SLC36A1: variants seen among roughly 807,000 people sequenced by gnomAD.
SLC36A1 encodes the protein solute carrier family 36 member 1, also known as proton-coupled amino acid transporter 1.
SLC36A1 carries 30 observed loss-of-function variants against 47.5 expected under a neutral mutation model. That is an observed-to-expected ratio of 0.63 (90% CI 0.47 to 0.86). SLC36A1 has a LOEUF of 0.86. Ranked by LOEUF, SLC36A1 falls within the 40% of genes least tolerant of loss-of-function variation. The pLI, the probability that SLC36A1 is intolerant of heterozygous loss-of-function variation, is 0.00. For synonymous variants in SLC36A1, 255 were observed against 249.7 expected, an observed-to-expected ratio of 1.02 and a Z score of -0.20; for missense variants, 517 against 606.0, an observed-to-expected ratio of 0.85 and a Z score of 1.54.
chr5:151,492,666 C>G (rs1184524448), downstream of SLC36A1, among the ~76,000 whole-genome samples: 1 of 152,192 alleles, frequency 6.6e-6, no homozygotes, highest in Non-Finnish European at 1.5e-5. Flanking sequence ...CAGATGAGCC[C>G]ACATGACAGC....
chr5:151,370,812 G>C, the SLC36A1 span, among the ~76,000 whole-genome samples: 1 of 152,074 alleles, frequency 6.6e-6, no homozygotes, highest in African/African-American at 2.4e-5. Context: ...GGCCAACATG[G>C]TGAAACCCCA....
chr5:151,376,005 C>G, the SLC36A1 span, among the ~76,000 whole-genome samples: 1 of 152,066 alleles, frequency 6.6e-6, no homozygotes, highest in Non-Finnish European at 1.5e-5. Flanking sequence ...TGCCTGATTG[C>G]TCTGGCAAGG....
the SLC36A1 span, chr5:151,544,897 G>A: frequency 1.9e-6 from 3 of 1,614,140 alleles, no homozygotes; most frequent in Non-Finnish European, 2.5e-6. Flanking sequence ...TTGGATGATT[G>A]TGTAATAGGG....
chr5:151,436,587 T>G (rs1385204405), upstream of SLC36A1, among the ~76,000 whole-genome samples: 1 of 152,004 alleles, frequency 6.6e-6, no homozygotes, highest in Non-Finnish European at 1.5e-5. Context: ...TCAAGCTGGT[T>G]GTAAAGTGTA....
At chr5:151,516,740 A>G in the SLC36A1 span, among the ~76,000 whole-genome samples, 3 of 152,330 alleles carry the variant, frequency 2.0e-5, no homozygotes, top group African/African-American at 4.8e-5. Context: ...CCTGTCACAT[A>G]GTAGATGCTC....
At chr5:151,517,729 C>T in the SLC36A1 span, 2,714 of 1,614,186 alleles carry the variant, frequency 1.7e-3, 1 homozygote, top group Non-Finnish European at 1.9e-3. Flanking sequence ...GGCCCTGTAC[C>T]GCACATAGCT....
At chr5:151,367,320 A>G in the SLC36A1 span, among the ~76,000 whole-genome samples, 14 of 146,830 alleles carry the variant, frequency 9.5e-5, no homozygotes, top group African/African-American at 3.3e-4. Context: ...CAAGACAAAC[A>G]TTCCCAGAGC....
chr5:151,399,250 C>G, the SLC36A1 span, among the ~76,000 whole-genome samples: 1 of 151,470 alleles, frequency 6.6e-6, no homozygotes, highest in African/African-American at 2.4e-5. Flanking sequence ...CCACACCTGG[C>G]GAATTTTTGT....
chr5:151,390,604 C>T, the SLC36A1 span, among the ~76,000 whole-genome samples: 4 of 152,142 alleles, frequency 2.6e-5, no homozygotes, highest in Non-Finnish European at 4.4e-5. Context: ...GGAAGGGATC[C>T]AGTTTCAGCT....
the SLC36A1 span, chr5:151,347,357 G>A: frequency 6.2e-7 from 1 of 1,614,210 alleles, no homozygotes; most frequent in Non-Finnish European, 8.5e-7. Context: ...CAAGAATGTA[G>A]AGTCCTTGTT....
chr5:151,554,984 T>C, the SLC36A1 span, among the ~76,000 whole-genome samples: 1 of 152,242 alleles, frequency 6.6e-6, no homozygotes, highest in African/African-American at 2.4e-5. Context: ...CTTGCTTGTG[T>C]TTTTCATAAT....
the SLC36A1 span, among the ~76,000 whole-genome samples, chr5:151,404,486 G>T: frequency 6.6e-6 from 1 of 152,036 alleles, no homozygotes; most frequent in African/African-American, 2.4e-5. Flanking sequence ...GCCTTGATTG[G>T]GTAGTTGCTT....
the SLC36A1 span, among the ~76,000 whole-genome samples, chr5:151,358,980 CAAAAAAAAAAAAA>C: frequency 4.3e-5 from 2 of 46,254 alleles, no homozygotes; most frequent in African/African-American, 6.4e-5. Flanking sequence ...GACTCCGTCT[CAAAAAAAAAAAAA>C]AAAAAAAAAA....
the SLC36A1 span, among the ~76,000 whole-genome samples, chr5:151,391,087 G>A: frequency 2.0e-5 from 3 of 152,058 alleles, no homozygotes; most frequent in African/African-American, 7.3e-5. Context: ...ATTTTGTTGA[G>A]CAGTGGTTTG....
the SLC36A1 span, among the ~76,000 whole-genome samples, chr5:151,538,208 C>T: frequency 6.6e-6 from 1 of 152,072 alleles, no homozygotes; most frequent in Non-Finnish European, 1.5e-5. Flanking sequence ...GACAAGAGAA[C>T]GAGTCAGAAA....
At chr5:151,392,057 T>C in the SLC36A1 span, among the ~76,000 whole-genome samples, 1 of 152,302 alleles carries the variant, frequency 6.6e-6, no homozygotes, top group African/African-American at 2.4e-5. Context: ...TGGTAGGCTA[T>C]TAATTATTGC....
At chr5:151,401,867 T>C in the SLC36A1 span, among the ~76,000 whole-genome samples, 8 of 152,174 alleles carry the variant, frequency 5.3e-5, no homozygotes, top group African/African-American at 1.7e-4. Flanking sequence ...TGATTTTGTA[T>C]TTTAAAATCT....
intron 8 of SLC36A1, among the ~76,000 whole-genome samples, chr5:151,474,204 G>A (rs1481266347): frequency 6.8e-6 from 1 of 146,948 alleles, no homozygotes; most frequent in African/African-American, 2.6e-5. Flanking sequence ...TAACTCACTG[G>A]TCAGTTAGTG....
At chr5:151,468,121 G>A (rs1233980486) in intron 7 of SLC36A1, among the ~76,000 whole-genome samples, 196 bp downstream of exon 7, 3 of 150,166 alleles carry the variant, frequency 2.0e-5, no homozygotes, top group Admixed American at 6.7e-5. Context: ...AGGCATGGGG[G>A]TGTGGGCCTA....
Sources: gnomAD v4.1 joint callset for allele counts (sites outside exome capture counted in the v4.1 genomes callset) on GRCh38, gnomAD v4.1.1 for gene constraint, MANE v1.5 for transcripts, NCBI Gene and HGNC (gene_info 2026-07-23, HGNC 2026-07-21) for gene names.